The following ARID1B variants were observed in gnomAD, a reference collection of about 807,000 sequenced individuals.
ARID1B encodes the protein AT-rich interactive domain-containing protein 1B.
In ARID1B, 30 loss-of-function variants were observed where a neutral mutation model predicts 212.3. That is an observed-to-expected ratio of 0.14 (90% CI 0.11 to 0.19). ARID1B has a LOEUF of 0.19. Ranked by LOEUF, ARID1B falls within the 10% of genes least tolerant of loss-of-function variation. ARID1B has a pLI of 1.00. For synonymous variants in ARID1B, 1,402 were observed against 1,301.7 expected, an observed-to-expected ratio of 1.08 and a Z score of -1.66; for missense variants, 2,891 against 3,204.0, an observed-to-expected ratio of 0.90 and a Z score of 2.36.
At chr6:157,103,079 G>A (rs1157357566) in intron 5 of ARID1B, among the ~76,000 whole-genome samples, 1 of 152,190 alleles carries the variant, frequency 6.6e-6, no homozygotes, top group Admixed American at 6.5e-5. Context: ...AGTTGGAACA[G>A]AAAACATATG....
At chr6:157,100,098 G>A (rs778532593) in intron 5 of ARID1B, among the ~76,000 whole-genome samples, 9 of 152,210 alleles carry the variant, frequency 5.9e-5, no homozygotes, top group Non-Finnish European at 1.3e-4. Context: ...CTCCTTCAAG[G>A]TGAGGACACC....
chr6:156,910,483 TC>T (rs1348266222), intron 3 of ARID1B, among the ~76,000 whole-genome samples: 1 of 152,180 alleles, frequency 6.6e-6, no homozygotes, highest in African/African-American at 2.4e-5. Flanking sequence ...CCTCTCCTTT[TC>T]CCTGTTCTCG....
intron 4 of ARID1B, among the ~76,000 whole-genome samples, chr6:157,075,969 G>T (rs1784277757): frequency 6.6e-6 from 1 of 152,230 alleles, no homozygotes; most frequent in African/African-American, 2.4e-5. Context: ...AAGTGGCAAA[G>T]CTGGAAAAAT....
chr6:157,206,584 G>C lies in ARID1B; in HGVS notation c.5812G>C (p.Gly1938Arg). ...GGGGCGTGTGCAGGAGTTCAATAGT[G>C]GCCTTCTGCACTGGCAGCTCGGCGG... Reference protein sequence around the residue: ...KLGRVQEFNSGLLHWQLGGGD... With the variant: ...KLGRVQEFNSRLLHWQLGGGD... Residue 1938 changes from glycine (G) to arginine (R), a missense_variant, in exon 20 of 20, where the codon GGC (glycine) becomes CGC (arginine). By Grantham distance (125) the Gly-to-Arg change is moderately radical. Transcript: ENST00000636930. The surrounding 1 kb of genome is among the most constrained non-coding windows in gnomAD (Gnocchi z 6.8). The C allele has an allele frequency of 6.2e-7, 1 of 1,614,150 alleles. No individual in the cohort carries two copies. Among genetic ancestry groups the C allele is most frequent in the Non-Finnish European group, 8.5e-7 (1 of 1,180,032 alleles).
intron 2 of ARID1B, among the ~76,000 whole-genome samples, chr6:156,863,232 G>A (rs1227737718): frequency 6.6e-6 from 1 of 152,156 alleles, no homozygotes; most frequent in African/African-American, 2.4e-5. Context: ...AATAAGATGG[G>A]ACCTCAGCAG....
At chr6:157,053,024 G>A (rs558450475) in intron 4 of ARID1B, among the ~76,000 whole-genome samples, 1 of 152,000 alleles carries the variant, frequency 6.6e-6, no homozygotes, top group Admixed American at 6.5e-5. Context: ...AGCGCTAAGA[G>A]CAGTTTTTAC....
chr6:156,982,308 G>A (rs903432931), intron 4 of ARID1B, among the ~76,000 whole-genome samples: 1 of 152,002 alleles, frequency 6.6e-6, no homozygotes, highest in Non-Finnish European at 1.5e-5. Flanking sequence ...GATGTTTCCT[G>A]TTGCTGTGGA....
intron 4 of ARID1B, among the ~76,000 whole-genome samples, chr6:157,044,028 G>A (rs561778612): frequency 9.5e-4 from 145 of 152,266 alleles, no homozygotes; most frequent in African/African-American, 3.4e-3. Context: ...TGCTTCCACG[G>A]ATCTTACATT....
At chr6:157,060,936 G>C (rs1783304099) in intron 4 of ARID1B, among the ~76,000 whole-genome samples, 9 of 151,896 alleles carry the variant, frequency 5.9e-5, no homozygotes, top group Admixed American at 5.3e-4. Context: ...TGGAGCTGCT[G>C]GTGTTTTTTA....
rs555054410 is a variant in ARID1B, at chr6:156,785,167, G to A, written c.1791+5696G>A. 3.9e-5 allele frequency among the ~76,000 whole-genome samples: 6 copies of A among 152,328 alleles called. No homozygotes were observed. The South Asian group carries it at 8.3e-4, about 21-fold the overall frequency. ...TACTGAGTTTGACAGATGAACTAAT[G>A]ATGAAATTAACTTGTTTCTTGGATG... On this transcript the variant is annotated intron_variant, in intron 1 of 19. Coordinates refer to ENST00000636930, the MANE Select transcript of ARID1B (RefSeq NM_001374828.1).
intron 3 of ARID1B, among the ~76,000 whole-genome samples, chr6:156,902,408 A>G (rs559104689): frequency 6.6e-6 from 1 of 152,322 alleles, no homozygotes; most frequent in Non-Finnish European, 1.5e-5. Context: ...TTTCCTCTTT[A>G]AAGGACTTCT....
intron 4 of ARID1B, among the ~76,000 whole-genome samples, chr6:157,010,042 A>C (rs771815309): frequency 6.6e-6 from 1 of 152,218 alleles, no homozygotes; most frequent in African/African-American, 2.4e-5. Flanking sequence ...AGGGAAATCT[A>C]GAATAAGAAG....
intron 2 of ARID1B, among the ~76,000 whole-genome samples, chr6:156,846,045 G>A (rs753116829): frequency 2.6e-5 from 4 of 151,958 alleles, no homozygotes; most frequent in African/African-American, 7.3e-5. Flanking sequence ...TTATCTTGCC[G>A]ACGACAATGT....
At chr6:157,169,782 C>T (rs766279942) in intron 9 of ARID1B, 6 of 152,160 alleles carry the variant, frequency 3.9e-5, no homozygotes, top group Non-Finnish European at 7.4e-5. Context: ...CCTCACCAGA[C>T]GCTACTCTAC....
intron 16 of ARID1B, chr6:157,198,517 G>A (rs904138044): frequency 6.3e-5 from 23 of 367,490 alleles, no homozygotes; most frequent in African/African-American, 4.2e-4. Flanking sequence ...GCAGAGGCCA[G>A]AGGCTCTAAC....
In ARID1B at chr6:156,779,484, C is replaced by A; in HGVS notation, c.1791+13C>A. ...GGGCAGATCCCAGGTAACCCTCGCG[C>A]CAGCCGGGCCTGCTTCCGCCCGGCG... On this transcript the variant is annotated intron_variant, in intron 1 of 19. Coordinates refer to ENST00000636930, the MANE Select transcript of ARID1B (RefSeq NM_001374828.1). The A allele has an allele frequency of 7.4e-7, 1 of 1,354,334 alleles. No homozygotes were observed. Among genetic ancestry groups the A allele is most frequent in the Non-Finnish European group, 9.5e-7 (1 of 1,049,992 alleles). 83.9% of individuals were successfully genotyped at this position (1,354,334 alleles called of 1,614,324 possible). A position where few individuals can be genotyped will look rare whatever the true frequency, so the allele number is the denominator to read the frequency against.
rs1325887022 is a variant in ARID1B, at chr6:156,777,957, G to A, written c.277G>A (p.Ala93Thr). The A allele has an allele frequency of 3.3e-6, 5 of 1,528,902 alleles. No homozygotes were observed. In the African/African-American group the frequency reaches 6.9e-5, roughly 21 times the overall value. 94.7% of individuals were successfully genotyped at this position (1,528,902 alleles called of 1,614,324 possible). A position where few individuals can be genotyped will look rare whatever the true frequency, so the allele number is the denominator to read the frequency against. The change falls in exon 1 of 20, where the codon GCC (alanine) becomes ACC (threonine). Residue 93 changes from alanine to threonine, a missense_variant. Coordinates refer to ENST00000636930, the MANE Select transcript of ARID1B (RefSeq NM_001374828.1). ...NMAHNAGAAAAAGTHSAKSGG... is the reference protein window; with the variant it reads ...NMAHNAGAAATAGTHSAKSGG... ...GGCCCATAACGCGGGCGCCGCGGCC[G>A]CCGCCGGCACCCACAGCGCCAAGAG... is the stretch of plus-strand genomic sequence containing the variant.
intron 2 of ARID1B, among the ~76,000 whole-genome samples, chr6:156,872,103 T>C (rs992285027): frequency 2.0e-5 from 3 of 152,210 alleles, no homozygotes; most frequent in Admixed American, 2.0e-4. Flanking sequence ...TAGACTGGAT[T>C]TAAGCAACAG....
At chr6:157,037,167 T>A (rs1781386383) in intron 4 of ARID1B, among the ~76,000 whole-genome samples, 2 of 152,216 alleles carry the variant, frequency 1.3e-5, no homozygotes, top group African/African-American at 2.4e-5. Flanking sequence ...TTGCTTAAAT[T>A]TTGCCCCAGT....
Sources: allele counts gnomAD v4.1 joint callset (sites outside exome capture counted in the v4.1 genomes callset), GRCh38; gene constraint gnomAD v4.1.1; non-coding constraint Gnocchi (gnomAD v3.1); transcripts MANE v1.5; gene names NCBI Gene and HGNC (gene_info 2026-07-23, HGNC 2026-07-21).